ECI2: variants seen among roughly 807,000 people sequenced by gnomAD.
The protein encoded by ECI2 is D3,D2-enoyl-CoA isomerase.
A neutral mutation model predicts 38.4 loss-of-function variants in ECI2; 27 were observed. The observed-to-expected ratio is 0.70, with a 90% CI of 0.52 to 0.97. The LOEUF is 0.97. Among genes scored for constraint, ECI2 ranks in the 50% least tolerant of loss-of-function variants. The pLI, the probability that ECI2 is intolerant of heterozygous loss-of-function variation, is 0.00. For synonymous variants in ECI2, 168 were observed against 172.0 expected, an observed-to-expected ratio of 0.98 and a Z score of 0.18; for missense variants, 470 against 474.4, an observed-to-expected ratio of 0.99 and a Z score of 0.09.
intron 7 of ECI2, among the ~76,000 whole-genome samples, chr6:4,123,708 T>C (rs1396054823): frequency 1.3e-5 from 2 of 152,098 alleles, no homozygotes; most frequent in Non-Finnish European, 2.9e-5. Flanking sequence ...GGCTCACACC[T>C]GTACTCCCAG....
chr6:4,126,017 AGTCACAATTAACT>A, intron 6 of ECI2, 105 bp downstream of exon 6: 1 of 806,472 alleles, frequency 1.2e-6, no homozygotes, highest in Admixed American at 2.1e-5. Flanking sequence ...GCTTGTCCAA[AGTCACAATTAACT>A]GCACTGACAC....
intron 5 of ECI2, among the ~76,000 whole-genome samples, chr6:4,126,895 A>G (rs149649817): frequency 5.7e-4 from 87 of 152,332 alleles, no homozygotes; most frequent in African/African-American, 1.9e-3. Context: ...TTAAATACCC[A>G]CAAGATCACC....
Position 4,126,222 on chromosome 6 carries a change from T to C in ECI2, c.587A>G (p.Tyr196Cys), listed in dbSNP as rs1237353825. 6.2e-7 allele frequency: 1 copy of C among 1,612,138 alleles called. No individual in the cohort carries two copies. The highest frequency in any genetic ancestry group is 8.5e-7 in the Non-Finnish European group (1 of 1,179,428). ...GTTAGTCAGATCATTCCCACTACTG[T>C]AATAGTCACCATTTCCTATAAGTAA... ...ITVLTGNGDY[Y>C]SSGNDLTNFT... The change falls in exon 6 of 10, where the codon TAC (tyrosine) becomes TGC (cysteine). Residue 196 changes from tyrosine (Y) to cysteine (C), a missense_variant. Tyr to Cys is a radical substitution (Grantham distance 194). Transcript: ENST00000380118.
chr6:4,130,799 C>G lies in ECI2; in HGVS notation c.280G>C (p.Asp94His). The G allele has an allele frequency of 6.2e-7, 1 of 1,614,194 alleles. No individual in the cohort carries two copies. Among genetic ancestry groups the G allele is most frequent in the Non-Finnish European group, 8.5e-7 (1 of 1,180,042 alleles). Residue 94 changes from aspartate (D) to histidine (H), a missense_variant, in exon 3 of 10, where the codon GAC becomes CAC. Physicochemically the swap from Asp to His is moderately conservative, Grantham distance 81 (BLOSUM62 -1). Coordinates refer to ENST00000380118, the MANE Select transcript of ECI2 (RefSeq NM_206836.3). ...AGGCTGCCAAGGGCATTCCATGCGT[C>G]CCATTTGGCCTTGTTGATCAAGTCA... is the stretch of plus-strand genomic sequence containing the variant. The part of the protein sequence containing the change: ...VFDLINKAKW[D>H]AWNALGSLPK...
Position 4,125,259 on chromosome 6 carries a change from T to A in ECI2, c.786A>T (p.Ala262=), listed in dbSNP as rs139545999. The part of the protein sequence containing the change: ...TLLGLFDAVY[A]SDRATFHTPF... Reference sequence around the variant, plus strand: ...CTAGGAGCTGACTTACCCTGTCAGATGCATACACGGCATCGAATAGCCCAA... The same window carrying A: ...CTAGGAGCTGACTTACCCTGTCAGAAGCATACACGGCATCGAATAGCCCAA... Residue 262 remains alanine, a synonymous_variant, in exon 7 of 10, where the codon GCA becomes GCT. Coordinates refer to ENST00000380118, the MANE Select transcript of ECI2 (RefSeq NM_206836.3). 1,411 of 1,614,140 alleles carry A rather than the reference T, an allele frequency of 8.7e-4. No individual in the cohort carries two copies. The highest frequency in any genetic ancestry group is 1.1e-3 in the Non-Finnish European group (1,269 of 1,180,028).
intron 7 of ECI2, among the ~76,000 whole-genome samples, chr6:4,119,478 G>C (rs981152299): frequency 6.6e-6 from 1 of 152,074 alleles, no homozygotes; most frequent in African/African-American, 2.4e-5. Context: ...GCGCTGCCAT[G>C]CCTGGCTAAT....
rs1772216264 is a variant in ECI2, at chr6:4,115,765, T to TGA, written c.*108_*109insTC. 1.0e-5 allele frequency: 15 copies of TGA among 1,429,608 alleles called. No individual in the cohort carries two copies. The highest frequency in any genetic ancestry group is 1.3e-5 in the Non-Finnish European group (14 of 1,046,858). 88.6% of individuals were successfully genotyped at this position (1,429,608 alleles called of 1,614,324 possible). ...AGTGAAATATCATCATTGTAATTGA[T>TGA]ATTCTAGCACTACAAAAGGCACAAT... is the stretch of plus-strand genomic sequence containing the variant. On this transcript the variant is annotated 3_prime_UTR_variant, in exon 10 of 10. Coordinates refer to ENST00000380118, the MANE Select transcript of ECI2 (RefSeq NM_206836.3).
chr6:4,132,778 G>A (rs1327640669), intron 2 of ECI2, among the ~76,000 whole-genome samples: 2 of 151,554 alleles, frequency 1.3e-5, no homozygotes, highest in East Asian at 1.9e-4. Flanking sequence ...ATTTTCTTTC[G>A]TTTTTGGACA....
At chr6:4,119,493 G>C (rs1772537226) in intron 7 of ECI2, among the ~76,000 whole-genome samples, 2 of 152,012 alleles carry the variant, frequency 1.3e-5, no homozygotes, top group Admixed American at 1.3e-4. Flanking sequence ...GCTAATTTTT[G>C]TATTTTTCGT....
intron 7 of ECI2, among the ~76,000 whole-genome samples, chr6:4,121,209 T>C (rs1209149903): frequency 6.6e-6 from 1 of 152,242 alleles, no homozygotes; most frequent in African/African-American, 2.4e-5. Context: ...ATTAATGGTA[T>C]TAAGTCTCTT....
intron 7 of ECI2, 140 bp from the exon 8 acceptor site, chr6:4,119,415 G>A: frequency 1.8e-6 from 1 of 562,662 alleles, no homozygotes; most frequent in Non-Finnish European, 3.1e-6. Flanking sequence ...CCACCCCTTG[G>A]GTTCAAGCGA....
chr6:4,125,022 T>G (rs192124340), intron 7 of ECI2: 1 of 684,866 alleles, frequency 1.5e-6, no homozygotes, highest in Non-Finnish European at 2.5e-6. Context: ...TTGATTAGAA[T>G]CCGGAACAGT....
At chr6:4,118,147 C>T (rs917161945) in intron 8 of ECI2, 16 of 152,388 alleles carry the variant, frequency 1.0e-4, no homozygotes, top group African/African-American at 3.9e-4. Context: ...TCTCCTGCCT[C>T]AGCCTCTTGA....
chr6:4,115,714 C>T lies in ECI2; in HGVS notation c.*160G>A, dbSNP rs140191366. The stretch of plus-strand genomic sequence containing the variant: ...TGTGTGAATTCTTAAGCTTGTTTTA[C>T]AAAACTTTTTATTCATCAGAGCTGT... On this transcript the variant is annotated 3_prime_UTR_variant, in exon 10 of 10. Coordinates refer to ENST00000380118, the MANE Select transcript of ECI2 (RefSeq NM_206836.3). The T allele has an allele frequency of 5.4e-5, 67 of 1,237,884 alleles. No homozygotes were observed. The East Asian group carries it at 1.6e-3, about 30-fold the overall frequency. 76.7% of individuals were successfully genotyped at this position (1,237,884 alleles called of 1,614,324 possible). A position where few individuals can be genotyped will look rare whatever the true frequency, so the allele number is the denominator to read the frequency against.
At position 4,130,406 on chromosome 6, in the gene ECI2, T is replaced by C. The variant is rs1386964061; in HGVS notation, c.467A>G (p.Asn156Ser). 1.2e-6 allele frequency: 2 copies of C among 1,614,208 alleles called. No homozygotes were observed. Among genetic ancestry groups the C allele is most frequent in the East Asian group, 2.2e-5 (1 of 44,884 alleles). ...SEDGITKIMFNRPKKKNAINT... is the reference protein window; with the variant it reads ...SEDGITKIMFSRPKKKNAINT... ...TATGGCATTTTTCTTTTTGGGCCGGTTGAACATGATCTTTGTGATGCCATC... is the reference window on the plus strand; with the variant it reads ...TATGGCATTTTTCTTTTTGGGCCGGCTGAACATGATCTTTGTGATGCCATC... The change falls in exon 4 of 10, where the codon AAC becomes AGC. Residue 156 changes from asparagine to serine, a missense_variant. Asn to Ser is a conservative substitution (Grantham distance 46). Transcript: ENST00000380118.
At chr6:4,125,885 A>G in intron 6 of ECI2, 1 of 611,962 alleles carries the variant, frequency 1.6e-6, no homozygotes, top group Non-Finnish European at 3.0e-6. Context: ...TTTGTTTACA[A>G]CTATAGCTCA....
chr6:4,126,925 A>G (rs146898433), intron 5 of ECI2, among the ~76,000 whole-genome samples: 78 of 152,322 alleles, frequency 5.1e-4, no homozygotes, highest in Middle Eastern at 3.4e-3. Flanking sequence ...AAGATACAGA[A>G]CATCTCCATC....
chr6:4,119,329 T>C, intron 7 of ECI2, 54 bp from the exon 8 acceptor site: 1 of 1,458,338 alleles, frequency 6.9e-7, no homozygotes, highest in Non-Finnish European at 9.4e-7. Context: ...ATTTTTTTTT[T>C]TTTTTTTGAG....
intron 5 of ECI2, among the ~76,000 whole-genome samples, chr6:4,127,025 A>G (rs560909075): frequency 5.9e-5 from 9 of 152,306 alleles, no homozygotes; most frequent in African/African-American, 2.2e-4. Context: ...TCCACAGAGA[A>G]GAACTTTTGT....
Sources: allele counts gnomAD v4.1 joint callset (sites outside exome capture counted in the v4.1 genomes callset), GRCh38; gene constraint gnomAD v4.1.1; transcripts MANE v1.5; gene names NCBI Gene and HGNC (gene_info 2026-07-23, HGNC 2026-07-21).